PDE4D: variants seen among roughly 807,000 people sequenced by gnomAD.
PDE4D encodes the protein phosphodiesterase 4D.
Under a neutral mutation model 87.4 loss-of-function variants are expected in PDE4D, and 24 were observed. The observed-to-expected ratio is 0.27, with a 90% CI of 0.20 to 0.39. The LOEUF (loss-of-function observed/expected upper bound fraction) is 0.39. Ranked by LOEUF, PDE4D falls within the 10% of genes least tolerant of loss-of-function variation. The pLI is 1.00. For missense variants in PDE4D, 714 were observed against 1,041.0 expected (o/e 0.69, Z 4.32); for synonymous variants, 384 against 383.2 (o/e 1.00, Z -0.02).
At chr5:60,321,072 A>G (rs1225528547) in intron 1 of PDE4D, among the ~76,000 whole-genome samples, 2 of 152,220 alleles carry the variant, frequency 1.3e-5, no homozygotes, top group Admixed American at 1.3e-4. Context: ...ATATGGAACC[A>G]AAAAAGAGCC....
At chr5:59,642,845 C>A (rs572323737) in intron 1 of PDE4D, among the ~76,000 whole-genome samples, 10 of 152,196 alleles carry the variant, frequency 6.6e-5, no homozygotes, top group Non-Finnish European at 1.5e-4. Flanking sequence ...AATTTTTGTA[C>A]AATTATTTGT....
intron 5 of PDE4D, among the ~76,000 whole-genome samples, chr5:59,071,621 TTTC>T (rs1764812902): frequency 6.6e-6 from 1 of 150,770 alleles, no homozygotes; most frequent in Admixed American, 6.6e-5. Flanking sequence ...ATCAAGTGTA[TTTC>T]TTCTCCTCTC....
Position 59,911,435 on chromosome 5 carries a change from C to T in PDE4D, c.272+77053G>A, listed in dbSNP as rs112225570. ...AACTCCCTATGATTTCATCTCCCAC[C>T]GAACCAATCAGCACTCCCTGGCATC... On this transcript the variant is annotated intron_variant, in intron 3 of 16. Transcript: ENST00000502484. Among the ~76,000 whole-genome samples the T allele has an allele frequency of 6.6e-5, 10 of 152,196 alleles. 1 individual carries two copies. The highest frequency in any genetic ancestry group is 1.4e-4 in the African/African-American group (6 of 41,528).
At chr5:59,687,293 G>C (rs1039983112) in intron 1 of PDE4D, among the ~76,000 whole-genome samples, 5 of 152,072 alleles carry the variant, frequency 3.3e-5, no homozygotes, top group Non-Finnish European at 2.9e-5. Context: ...CACTAAAGTT[G>C]AAATGAAGGA....
intron 1 of PDE4D, among the ~76,000 whole-genome samples, chr5:59,867,638 T>A (rs1747237981): frequency 6.6e-6 from 1 of 152,102 alleles, no homozygotes; most frequent in Non-Finnish European, 1.5e-5. Context: ...AAAAGAATAG[T>A]CATCACTACA....
chr5:59,362,151 T>C (rs1163811341), intron 1 of PDE4D, among the ~76,000 whole-genome samples: 1 of 152,158 alleles, frequency 6.6e-6, no homozygotes, highest in African/African-American at 2.4e-5. Flanking sequence ...AATAAGGCAA[T>C]TTATATAAAA....
intron 1 of PDE4D, among the ~76,000 whole-genome samples, chr5:60,352,169 A>C (rs1335037087): frequency 1.3e-5 from 2 of 151,950 alleles, no homozygotes; most frequent in African/African-American, 4.8e-5. Flanking sequence ...TGTTTCTATC[A>C]CACCTCCACC....
At chr5:59,047,780 G>A (rs997370282) in intron 5 of PDE4D, among the ~76,000 whole-genome samples, 1 of 152,146 alleles carries the variant, frequency 6.6e-6, no homozygotes, top group Admixed American at 6.5e-5. Flanking sequence ...AAAGCCCTTC[G>A]GAAGTAATTA....
At chr5:59,285,213 A>T (rs1245102959) in intron 1 of PDE4D, among the ~76,000 whole-genome samples, 27 of 53,674 alleles carry the variant, frequency 5.0e-4, no homozygotes, top group African/African-American at 1.0e-3. Context: ...AAAGTATAAT[A>T]AAAAAAAAAA....
chr5:59,899,810 G>A (rs1026507445), intron 3 of PDE4D, among the ~76,000 whole-genome samples: 32 of 152,194 alleles, frequency 2.1e-4, no homozygotes, highest in African/African-American at 7.2e-4. Flanking sequence ...AAATCAACCA[G>A]TGGCCTGGGA....
At chr5:59,659,080 C>T (rs1160040763) in intron 1 of PDE4D, among the ~76,000 whole-genome samples, 1 of 152,120 alleles carries the variant, frequency 6.6e-6, no homozygotes, top group Non-Finnish European at 1.5e-5. Flanking sequence ...CCTATGCAAT[C>T]CAAGGAGATT....
intron 1 of PDE4D, among the ~76,000 whole-genome samples, chr5:60,194,965 C>T (rs1268636222): frequency 6.6e-6 from 1 of 151,646 alleles, no homozygotes; most frequent in Non-Finnish European, 1.5e-5. Flanking sequence ...ATCCCTTGAC[C>T]TCCCACACAG....
chr5:60,268,940 G>C (rs889106004), intron 1 of PDE4D, among the ~76,000 whole-genome samples: 2 of 152,184 alleles, frequency 1.3e-5, no homozygotes, highest in Admixed American at 6.5e-5. Context: ...ATTGAAAAGT[G>C]TAGGCAAAAA....
chr5:59,262,307 TA>T (rs1762133731), intron 1 of PDE4D, among the ~76,000 whole-genome samples: 1 of 151,920 alleles, frequency 6.6e-6, no homozygotes, highest in South Asian at 2.1e-4. Flanking sequence ...CCCACAGAAA[TA>T]AAACTTTTCT....
intron 1 of PDE4D, among the ~76,000 whole-genome samples, chr5:59,772,344 A>T (rs1206096235): frequency 2.6e-5 from 4 of 152,216 alleles, no homozygotes; most frequent in African/African-American, 9.6e-5. Flanking sequence ...TGACAGCCAA[A>T]TAAGGCCTCA....
intron 1 of PDE4D, among the ~76,000 whole-genome samples, chr5:59,372,774 C>A (rs1173729533): frequency 6.6e-6 from 1 of 152,210 alleles, no homozygotes; most frequent in Non-Finnish European, 1.5e-5. Context: ...CACCCCCACA[C>A]CCACTAGCAC....
Position 59,384,345 on chromosome 5 carries a change from G to A in PDE4D, c.456-168377C>T, listed in dbSNP as rs148233946. 2.1e-4 allele frequency among the ~76,000 whole-genome samples: 32 copies of A among 152,272 alleles called. No homozygotes were observed. The East Asian group carries it at 6.0e-3, about 28-fold the overall frequency. On this transcript the variant is annotated intron_variant, in intron 1 of 14. Coordinates refer to ENST00000340635, the MANE Select transcript of PDE4D (RefSeq NM_001104631.2). ...CCCTCTTGTAGTTGAATGGAGCCACGTGACTAATTCTGGCCAATCAGCAGC... is the reference window on the plus strand; with the variant it reads ...CCCTCTTGTAGTTGAATGGAGCCACATGACTAATTCTGGCCAATCAGCAGC...
chr5:60,019,237 C>A (rs1191130044), intron 2 of PDE4D, among the ~76,000 whole-genome samples: 1 of 152,104 alleles, frequency 6.6e-6, no homozygotes, highest in Admixed American at 6.6e-5. Context: ...AACTCCTGGG[C>A]AAATAATGAA....
chr5:60,004,352 T>C (rs1034217710), intron 2 of PDE4D, among the ~76,000 whole-genome samples: 1 of 152,168 alleles, frequency 6.6e-6, no homozygotes, highest in Non-Finnish European at 1.5e-5. Context: ...AAGTCCTGCA[T>C]ATAAAATAGC....
Sources: allele counts gnomAD v4.1 joint callset (sites outside exome capture counted in the v4.1 genomes callset), GRCh38; gene constraint gnomAD v4.1.1; transcripts MANE v1.5; gene names NCBI Gene and HGNC (gene_info 2026-07-23, HGNC 2026-07-21).